CSMD1: variants seen among roughly 807,000 people sequenced by gnomAD.
CSMD1 encodes the protein CUB and sushi domain-containing protein 1.
In CSMD1, 213 loss-of-function variants were observed where a neutral mutation model predicts 417.5. The observed-to-expected ratio is 0.51, with a 90% CI of 0.46 to 0.57. The LOEUF (loss-of-function observed/expected upper bound fraction) is 0.57. CSMD1 is among the 20% of genes least tolerant of loss of function. The pLI is 0.00. For missense variants in CSMD1, 6,923 were observed against 4,529.7 expected, an observed-to-expected ratio of 1.53 and a Z score of -15.17; for synonymous variants, 2,862 against 1,736.8, an observed-to-expected ratio of 1.65 and a Z score of -16.11.
chr8:4,445,495 T>A (rs1798729160), intron 2 of CSMD1, among the ~76,000 whole-genome samples: 2 of 152,238 alleles, frequency 1.3e-5, no homozygotes, highest in Admixed American at 1.3e-4. Context: ...TTTGCTTTCA[T>A]AAAGCCAATT....
chr8:3,728,717 A>C (rs1342447072), intron 6 of CSMD1, among the ~76,000 whole-genome samples: 1 of 152,184 alleles, frequency 6.6e-6, no homozygotes, highest in Non-Finnish European at 1.5e-5. Flanking sequence ...GATGCAAGTT[A>C]AAATGGTGGG....
intron 1 of CSMD1, among the ~76,000 whole-genome samples, chr8:4,691,081 T>C (rs914787144): frequency 3.3e-5 from 5 of 152,146 alleles, no homozygotes; most frequent in Non-Finnish European, 7.4e-5. Context: ...GGTACCTGGG[T>C]ATTTTTAAAT....
At chr8:3,824,034 C>G (rs967076984) in intron 5 of CSMD1, among the ~76,000 whole-genome samples, 1 of 151,944 alleles carries the variant, frequency 6.6e-6, no homozygotes, top group African/African-American at 2.4e-5. Context: ...TTCCCTCTGC[C>G]CAAAAGTCTG....
chr8:4,264,962 A>C (rs1322250121), intron 3 of CSMD1, among the ~76,000 whole-genome samples: 2 of 152,294 alleles, frequency 1.3e-5, no homozygotes, highest in East Asian at 3.9e-4. Flanking sequence ...AACAGGATAA[A>C]ATATGCAGCT....
At chr8:4,462,605 A>G (rs569943027) in intron 2 of CSMD1, among the ~76,000 whole-genome samples, 1 of 152,350 alleles carries the variant, frequency 6.6e-6, no homozygotes, top group African/African-American at 2.4e-5. Context: ...AGGAAACCGC[A>G]TTGATCATGA....
chr8:2,944,452 C>T (rs571815045), intron 68 of CSMD1, among the ~76,000 whole-genome samples: 2 of 152,142 alleles, frequency 1.3e-5, no homozygotes, highest in South Asian at 2.1e-4. Context: ...TCAGATGGCA[C>T]CAACTTCATG....
intron 26 of CSMD1, among the ~76,000 whole-genome samples, chr8:3,270,529 T>C (rs556049952): frequency 6.6e-6 from 1 of 152,322 alleles, no homozygotes; most frequent in East Asian, 1.9e-4. Context: ...CCAACTGGTA[T>C]CAAAATTTTA....
rs1017638479 is a variant in CSMD1, at chr8:3,213,891, T to C, written c.4867+606A>G. On this transcript the variant is annotated intron_variant, in intron 30 of 69. Transcript: ENST00000635120. The stretch of plus-strand genomic sequence containing the variant: ...ATATATATATGAGATGGAGTCTTGC[T>C]CTGTCACCCAGGCTGGAGTGCAGTG... Among the ~76,000 whole-genome samples the C allele has an allele frequency of 7.3e-4, 111 of 151,630 alleles. 3 individuals are homozygous for C. Among genetic ancestry groups the C allele is most frequent in the Non-Finnish European group, 1.0e-4 (7 of 67,986 alleles).
At chr8:3,576,528 G>C (rs996527388) in intron 9 of CSMD1, among the ~76,000 whole-genome samples, 3 of 152,082 alleles carry the variant, frequency 2.0e-5, no homozygotes, top group African/African-American at 7.2e-5. Flanking sequence ...ACTTACTATG[G>C]AAATAATTAG....
intron 31 of CSMD1, among the ~76,000 whole-genome samples, chr8:3,202,784 A>G (rs567063796): frequency 1.1e-4 from 17 of 152,330 alleles, no homozygotes; most frequent in African/African-American, 3.8e-4. Flanking sequence ...AGACACACAT[A>G]CATATATTTA....
chr8:4,319,921 G>C (rs561414986), intron 3 of CSMD1, among the ~76,000 whole-genome samples: 1 of 152,218 alleles, frequency 6.6e-6, no homozygotes, highest in South Asian at 2.1e-4. Flanking sequence ...AAGCAGTAGG[G>C]AGTCATCTTC....
chr8:3,692,556 T>C (rs2929606), intron 7 of CSMD1, among the ~76,000 whole-genome samples: 7,642 of 152,046 alleles, frequency 0.05, 647 homozygotes, highest in African/African-American at 0.18. Flanking sequence ...TGCCTCAGCC[T>C]CCCGAGCATC....
chr8:4,028,605 C>A (rs188341855), intron 4 of CSMD1, among the ~76,000 whole-genome samples: 13 of 152,234 alleles, frequency 8.5e-5, no homozygotes, highest in Admixed American at 3.9e-4. Flanking sequence ...TGCAGTGGAG[C>A]CTGTAAATTG....
chr8:4,355,415 A>C, intron 3 of CSMD1, among the ~76,000 whole-genome samples: 1 of 152,096 alleles, frequency 6.6e-6, no homozygotes, highest in East Asian at 1.9e-4. Context: ...AGAAGTAGCG[A>C]ATTCAGGTAT....
Position 3,018,468 on chromosome 8 carries a change from T to A in CSMD1, c.8029+9A>T. 6.2e-6 allele frequency: 10 copies of A among 1,612,342 alleles called. No individual in the cohort carries two copies. Among genetic ancestry groups the A allele is most frequent in the Non-Finnish European group, 8.5e-6 (10 of 1,178,812 alleles). ...CATTAAGTAAGTGCCAGAACACAGA[T>A]GAATTTACCCAGACATCGAGTTTCG... is the stretch of plus-strand genomic sequence containing the variant. On this transcript the variant is annotated intron_variant, in intron 52 of 69. Transcript: ENST00000635120.
intron 2 of CSMD1, among the ~76,000 whole-genome samples, chr8:4,452,163 T>A (rs1048442585): frequency 6.6e-6 from 1 of 152,096 alleles, no homozygotes; most frequent in Admixed American, 6.6e-5. Context: ...GGAGTTTCCA[T>A]GCCTCTTCCT....
chr8:3,208,118 C>T (rs1797408351), intron 30 of CSMD1, among the ~76,000 whole-genome samples: 1 of 152,132 alleles, frequency 6.6e-6, no homozygotes, highest in African/African-American at 2.4e-5. Context: ...TTTATTTGCG[C>T]TCAGTCACAT....
intron 3 of CSMD1, among the ~76,000 whole-genome samples, chr8:4,269,449 A>G (rs1804432923): frequency 6.6e-6 from 1 of 152,158 alleles, no homozygotes. Flanking sequence ...CTGAAGTTTA[A>G]TCAAGTATTT....
chr8:3,250,124 T>C (rs1340042269), intron 26 of CSMD1, among the ~76,000 whole-genome samples: 13 of 152,236 alleles, frequency 8.5e-5, no homozygotes, highest in South Asian at 2.1e-4. Flanking sequence ...TTGTTACATA[T>C]ATATACATGT....
Sources: gnomAD v4.1 joint callset for allele counts (sites outside exome capture counted in the v4.1 genomes callset) on GRCh38, gnomAD v4.1.1 for gene constraint, MANE v1.5 for transcripts, NCBI Gene and HGNC (gene_info 2026-07-23, HGNC 2026-07-21) for gene names.